SRGAP2: variants seen among roughly 807,000 people sequenced by gnomAD.
SRGAP2 encodes SLIT-ROBO Rho GTPase-activating protein 2.
In SRGAP2, 15 loss-of-function variants were observed where a neutral mutation model predicts 57.2. The ratio of observed to expected loss-of-function variants is 0.26; its 90% CI spans 0.18 to 0.40. The LOEUF (loss-of-function observed/expected upper bound fraction) is 0.40. Among genes scored for constraint, SRGAP2 ranks in the 10% least tolerant of loss-of-function variants. The pLI is 1.00. For missense variants in SRGAP2, 520 were observed against 669.6 expected (o/e 0.78, Z 2.47); for synonymous variants, 249 against 248.0 (o/e 1.00, Z -0.04).
intron 4 of SRGAP2, among the ~76,000 whole-genome samples, chr1:206,359,833 G>A (rs1676759861): frequency 9.3e-6 from 1 of 107,420 alleles, no homozygotes; most frequent in Non-Finnish European, 1.7e-5. Context: ...TTGAGACGGA[G>A]TCTCGCTCTG....
intron 2 of SRGAP2, among the ~76,000 whole-genome samples, chr1:206,255,229 A>G (rs1377796355): frequency 6.6e-6 from 1 of 150,542 alleles, no homozygotes; most frequent in Non-Finnish European, 1.5e-5. Flanking sequence ...TTTCAGTTCG[A>G]GATCTTATTG....
intron 2 of SRGAP2, among the ~76,000 whole-genome samples, chr1:206,228,768 G>A (rs1362632492): frequency 6.7e-6 from 1 of 150,168 alleles, no homozygotes; most frequent in Non-Finnish European, 1.5e-5. Flanking sequence ...TAAAAATACT[G>A]TACAAAGGAA....
intron 2 of SRGAP2, chr1:206,207,592 A>C (rs1372282412): frequency 6.7e-6 from 1 of 150,050 alleles, no homozygotes; most frequent in Non-Finnish European, 1.5e-5. Flanking sequence ...TTGCTCTTGG[A>C]ATCCCCCCTG....
chr1:206,271,988 G>A, intron 2 of SRGAP2, among the ~76,000 whole-genome samples: 1 of 21,412 alleles, frequency 4.7e-5, no homozygotes, highest in East Asian at 1.9e-3. Flanking sequence ...CTTCCTATGA[G>A]CCCAGGCCCA....
At chr1:206,440,249 A>G (rs1487027821) in intron 17 of SRGAP2, among the ~76,000 whole-genome samples, 168 bp downstream of exon 17, 1 of 152,258 alleles carries the variant, frequency 6.6e-6, no homozygotes, top group East Asian at 1.9e-4. Context: ...ATAAAAGATG[A>G]AAGCCTTGAT....
intron 3 of SRGAP2, among the ~76,000 whole-genome samples, chr1:206,307,083 A>G (rs1347681011): frequency 2.0e-5 from 3 of 151,640 alleles, no homozygotes; most frequent in African/African-American, 7.3e-5. Flanking sequence ...CCATGTCCTC[A>G]CCAGAGCAGC....
chr1:206,415,083 CAT>C (rs1412651898), intron 10 of SRGAP2, among the ~76,000 whole-genome samples: 2 of 152,162 alleles, frequency 1.3e-5, no homozygotes, highest in African/African-American at 2.4e-5. Flanking sequence ...TCAGTGCTCT[CAT>C]GTGTAAAATG....
At chr1:206,444,178 C>CAAAA (rs782535999) in intron 17 of SRGAP2, among the ~76,000 whole-genome samples, 1 of 117,056 alleles carries the variant, frequency 8.5e-6, no homozygotes. Context: ...GACTCCGTCT[C>CAAAA]AAAAAAAAAA....
chr1:206,424,452 C>T (rs1051065485), intron 13 of SRGAP2, among the ~76,000 whole-genome samples: 1 of 152,086 alleles, frequency 6.6e-6, no homozygotes, highest in African/African-American at 2.4e-5. Context: ...GTCAGGAGTT[C>T]GAGACCAGCC....
rs1443902289 is a variant in SRGAP2 at position 206,394,036 on chromosome 1, TC to T, written c.831+365del. On this transcript the variant is annotated intron_variant, in intron 7 of 22. Transcript: ENST00000573034. ...GTCTATCTGCCAGGAAATACTTTCT[TC>T]CTTTTTTTTTTTTTTTTTTTTTTTT... Among the ~76,000 whole-genome samples the T allele has an allele frequency of 7.4e-3, 757 of 102,194 alleles. 18 individuals are homozygous for T. Among genetic ancestry groups the T allele is most frequent in the African/African-American group, 0.03 (700 of 23,032 alleles). The allele number at this position is 102,194 out of a possible 152,430, so 67.0% of individuals were successfully genotyped here.
intron 3 of SRGAP2, among the ~76,000 whole-genome samples, chr1:206,307,251 A>T (rs1249004461): frequency 6.6e-6 from 1 of 152,092 alleles, no homozygotes; most frequent in African/African-American, 2.4e-5. Context: ...TCACTAGAGC[A>T]GCTAGATACA....
At chr1:206,221,247 T>C (rs1666971711) in intron 2 of SRGAP2, among the ~76,000 whole-genome samples, 1 of 149,474 alleles carries the variant, frequency 6.7e-6, no homozygotes, top group Admixed American at 6.6e-5. Flanking sequence ...GCCTATATGT[T>C]TTATACTATG....
chr1:206,414,574 C>T (rs1400162063), intron 10 of SRGAP2, among the ~76,000 whole-genome samples: 1 of 152,124 alleles, frequency 6.6e-6, no homozygotes, highest in African/African-American at 2.4e-5. Context: ...AGGCAGATAG[C>T]CCCTGATCTG....
intron 17 of SRGAP2, among the ~76,000 whole-genome samples, chr1:206,444,646 G>A (rs6540843): frequency 0.2 from 30,883 of 152,110 alleles, 3,379 homozygotes; most frequent in South Asian, 0.28. Context: ...AGGTTACCAA[G>A]GTAATTATCC....
intron 10 of SRGAP2, among the ~76,000 whole-genome samples, chr1:206,415,333 G>A (rs1002791859): frequency 6.6e-6 from 1 of 152,340 alleles, no homozygotes; most frequent in Middle Eastern, 3.4e-3. Flanking sequence ...TCCGCTGAGT[G>A]CTCAGAAATC....
At position 206,454,238 on chromosome 1, in the gene SRGAP2, G is replaced by A. The variant is rs781923706; in HGVS notation, c.2361-640G>A. ...CTGTTGATAGCATCGCAAACCTGGTGGCAATCTGTGCGTGGACAGGACCCT... is the reference window on the plus strand; with the variant it reads ...CTGTTGATAGCATCGCAAACCTGGTAGCAATCTGTGCGTGGACAGGACCCT... On this transcript the variant is annotated intron_variant, in intron 20 of 22. Coordinates refer to ENST00000573034, the MANE Select transcript of SRGAP2 (RefSeq NM_015326.5). The surrounding 1 kb of genome is among the most constrained non-coding windows in gnomAD (Gnocchi z 4.3). 10 of 701,934 alleles carry A rather than the reference G, an allele frequency of 1.4e-5. No individual in the cohort carries two copies. Among genetic ancestry groups the A allele is most frequent in the Non-Finnish European group, 2.3e-5 (9 of 384,676 alleles). The allele number at this position is 701,934 out of a possible 1,614,324, so 43.5% of individuals were successfully genotyped here.
chr1:206,413,806 C>A (rs1659426622), intron 10 of SRGAP2, among the ~76,000 whole-genome samples: 1 of 152,216 alleles, frequency 6.6e-6, no homozygotes, highest in South Asian at 2.1e-4. Context: ...CCCTCTGTGA[C>A]AGGGCTGTAT....
intron 2 of SRGAP2, among the ~76,000 whole-genome samples, chr1:206,285,136 T>C: frequency 6.7e-6 from 1 of 149,688 alleles, no homozygotes; most frequent in African/African-American, 2.5e-5. Flanking sequence ...TAGACATATG[T>C]GTTAGGAGAC....
chr1:206,423,441 C>T (rs1252151120), intron 13 of SRGAP2, among the ~76,000 whole-genome samples: 1 of 152,218 alleles, frequency 6.6e-6, no homozygotes, highest in African/African-American at 2.4e-5. Context: ...ACTAGACATT[C>T]ATACTTGAAA....
Sources: allele counts gnomAD v4.1 joint callset (sites outside exome capture counted in the v4.1 genomes callset), GRCh38; gene constraint gnomAD v4.1.1; non-coding constraint Gnocchi (gnomAD v3.1); transcripts MANE v1.5; gene names NCBI Gene and HGNC (gene_info 2026-07-23, HGNC 2026-07-21).